The following FIRRM variants were observed in gnomAD, a reference collection of about 807,000 sequenced individuals.
FIRRM encodes the protein FIGNL1-interacting regulator of recombination and mitosis.
chr1:169,791,370 A>G, the FIRRM span, among the ~76,000 whole-genome samples: 10 of 152,388 alleles, frequency 6.6e-5, no homozygotes, highest in Middle Eastern at 3.4e-3. Flanking sequence ...AATAATGTAT[A>G]TAAGTAAGTT....
chr1:169,795,078 T>C, the FIRRM span: 4 of 1,524,198 alleles, frequency 2.6e-6, no homozygotes, highest in Non-Finnish European at 3.5e-6. Context: ...GGGTCTGGTT[T>C]GAAGCTCTCC....
the FIRRM span, among the ~76,000 whole-genome samples, chr1:169,832,679 C>G: frequency 1.3e-5 from 2 of 152,018 alleles, no homozygotes; most frequent in African/African-American, 4.8e-5. Flanking sequence ...TCACAGCTCA[C>G]TGCAGCCTCG....
the FIRRM span, chr1:169,849,836 G>T: frequency 3.8e-6 from 2 of 529,528 alleles, no homozygotes; most frequent in Non-Finnish European, 6.8e-6. Context: ...GGCATACACA[G>T]CAGGCCTACT....
the FIRRM span, among the ~76,000 whole-genome samples, chr1:169,841,288 C>T: frequency 6.6e-6 from 1 of 152,000 alleles, no homozygotes; most frequent in African/African-American, 2.4e-5. Flanking sequence ...ACCTTGCATC[C>T]CAGGAATGGA....
At chr1:169,792,920 T>C in the FIRRM span, 2 of 1,614,168 alleles carry the variant, frequency 1.2e-6, no homozygotes, top group Non-Finnish European at 1.7e-6. Flanking sequence ...TTTATATAGT[T>C]GTGTTACTTT....
At chr1:169,849,867 C>T in the FIRRM span, 1 of 494,744 alleles carries the variant, frequency 2.0e-6, no homozygotes, top group Non-Finnish European at 3.6e-6. Context: ...GACACAGACA[C>T]AGTCTTCCAG....
At chr1:169,850,376 C>G in the FIRRM span, 370 of 1,450,478 alleles carry the variant, frequency 2.6e-4, no homozygotes, top group African/African-American at 4.7e-3. Flanking sequence ...ATGTTTTATT[C>G]TTTGTCCTAT....
the FIRRM span, among the ~76,000 whole-genome samples, chr1:169,805,640 T>A: frequency 6.6e-6 from 1 of 152,192 alleles, no homozygotes; most frequent in African/African-American, 2.4e-5. Context: ...TTAATTTGAA[T>A]TCTTCCTTTT....
chr1:169,801,830 T>A, the FIRRM span, among the ~76,000 whole-genome samples: 1 of 152,206 alleles, frequency 6.6e-6, no homozygotes, highest in Non-Finnish European at 1.5e-5. Flanking sequence ...TTTCTAACTT[T>A]AGCTTTGAAT....
the FIRRM span, chr1:169,793,405 CAAG>C: frequency 6.2e-7 from 1 of 1,614,182 alleles, no homozygotes; most frequent in Non-Finnish European, 8.5e-7. Context: ...TGGCAGCTCT[CAAG>C]GAGGGCTGTT....
At chr1:169,815,626 T>G in the FIRRM span, among the ~76,000 whole-genome samples, 3 of 152,236 alleles carry the variant, frequency 2.0e-5, no homozygotes, top group South Asian at 6.2e-4. Context: ...CATCTTAGAT[T>G]TGGTGGGTTT....
At chr1:169,802,915 A>G in the FIRRM span, among the ~76,000 whole-genome samples, 1 of 152,250 alleles carries the variant, frequency 6.6e-6, no homozygotes, top group African/African-American at 2.4e-5. Context: ...AGAAGTCATC[A>G]AGCTAGCTGA....
chr1:169,824,074 ACCTTT>A, the FIRRM span, among the ~76,000 whole-genome samples: 1 of 152,034 alleles, frequency 6.6e-6, no homozygotes, highest in Non-Finnish European at 1.5e-5. Flanking sequence ...ACTTTTTCAC[ACCTTT>A]CCTTCCTCAA....
At chr1:169,789,056 C>T in the FIRRM span, among the ~76,000 whole-genome samples, 4 of 152,200 alleles carry the variant, frequency 2.6e-5, no homozygotes, top group Admixed American at 6.5e-5. Context: ...GTAGAGGAGT[C>T]TTACAAAGCA....
chr1:169,839,967 A>T, the FIRRM span, among the ~76,000 whole-genome samples: 1 of 152,136 alleles, frequency 6.6e-6, no homozygotes, highest in Non-Finnish European at 1.5e-5. Flanking sequence ...TCCCAGCACC[A>T]TTTATTGAAT....
the FIRRM span, among the ~76,000 whole-genome samples, chr1:169,819,121 G>A: frequency 2.3e-4 from 35 of 152,308 alleles, no homozygotes; most frequent in East Asian, 6.7e-3. Context: ...AAAATTAAGT[G>A]TCCCATTTGT....
chr1:169,823,984 A>G, the FIRRM span, among the ~76,000 whole-genome samples: 2 of 152,162 alleles, frequency 1.3e-5, no homozygotes, highest in Admixed American at 1.3e-4. Flanking sequence ...TCCTCCAAAG[A>G]GCCCTAAATT....
the FIRRM span, chr1:169,832,646 A>T: frequency 3.2e-6 from 2 of 618,762 alleles, no homozygotes; most frequent in Non-Finnish European, 2.7e-6. Context: ...TCTGTCACCC[A>T]GGCTGGTTTT....
chr1:169,844,504 A>G, the FIRRM span, among the ~76,000 whole-genome samples: 1 of 152,234 alleles, frequency 6.6e-6, no homozygotes, highest in African/African-American at 2.4e-5. Flanking sequence ...AGATGATCGA[A>G]GAGATGATTC....
Sources: allele counts gnomAD v4.1 joint callset (sites outside exome capture counted in the v4.1 genomes callset), GRCh38; gene constraint gnomAD v4.1.1; transcripts MANE v1.5; gene names NCBI Gene and HGNC (gene_info 2026-07-23, HGNC 2026-07-21).